MYO1F: variants seen among roughly 807,000 people sequenced by gnomAD.
MYO1F encodes the protein unconventional myosin-If.
Under a neutral mutation model 146.6 loss-of-function variants are expected in MYO1F, and 60 were observed. That is an observed-to-expected ratio of 0.41 (90% CI 0.33 to 0.51). MYO1F has a LOEUF of 0.51. Ranked by LOEUF, MYO1F falls within the 20% of genes least tolerant of loss-of-function variation. The pLI is 0.25. For synonymous variants in MYO1F, 602 were observed against 602.1 expected, an observed-to-expected ratio of 1.00 and a Z score of 0.00; for missense variants, 1,274 against 1,534.3, an observed-to-expected ratio of 0.83 and a Z score of 2.83.
chr19:8,525,326 CT>C, intron 25 of MYO1F, 152 bp downstream of exon 25: 1 of 686,290 alleles, frequency 1.5e-6, no homozygotes, highest in Non-Finnish European at 2.5e-6. Flanking sequence ...TAAGTTTAGC[CT>C]TTATTCTGCG....
At chr19:8,541,002 C>G (rs950809516) in intron 15 of MYO1F, among the ~76,000 whole-genome samples, 1 of 151,576 alleles carries the variant, frequency 6.6e-6, no homozygotes, top group Admixed American at 6.6e-5. Flanking sequence ...CTTTTTTTTC[C>G]CCTCAGAGAT....
intron 14 of MYO1F, among the ~76,000 whole-genome samples, chr19:8,543,537 C>T (rs370525280): frequency 4.0e-5 from 6 of 151,732 alleles, no homozygotes; most frequent in Middle Eastern, 6.8e-3. Flanking sequence ...TGGTGTTAAT[C>T]GGGGGGAATT....
chr19:8,545,569 C>T (rs1973309897), intron 13 of MYO1F, 81 bp downstream of exon 13: 5 of 1,189,132 alleles, frequency 4.2e-6, no homozygotes, highest in Non-Finnish European at 6.3e-6. Flanking sequence ...TGCCATAACA[C>T]CCTTGGCCCT....
intron 1 of MYO1F, among the ~76,000 whole-genome samples, chr19:8,561,412 TCCCTCCCTTCCTTTCTC>T (rs1425507293): frequency 2.1e-5 from 1 of 48,386 alleles, no homozygotes; most frequent in Non-Finnish European, 3.7e-5. Flanking sequence ...CTTTCTCCTC[TCCCTCCCTTCCTTTCTC>T]CTCTCCCTCC....
chr19:8,532,578 G>A (rs1972526186), intron 19 of MYO1F, among the ~76,000 whole-genome samples: 1 of 152,126 alleles, frequency 6.6e-6, no homozygotes, highest in South Asian at 2.1e-4. Flanking sequence ...TTGTCAATTA[G>A]TGAAGATGGG....
At chr19:8,531,826 A>G (rs1972498709) in intron 19 of MYO1F, among the ~76,000 whole-genome samples, 2 of 152,182 alleles carry the variant, frequency 1.3e-5, no homozygotes, top group Middle Eastern at 6.8e-3. Context: ...TACAGTAAAT[A>G]TGAAAATGTG....
chr19:8,539,416 A>T (rs1972862761), intron 16 of MYO1F, among the ~76,000 whole-genome samples: 1 of 150,718 alleles, frequency 6.6e-6, no homozygotes, highest in Admixed American at 6.6e-5. Flanking sequence ...CTCCATCTCA[A>T]AAAAAAAACC....
intron 19 of MYO1F, among the ~76,000 whole-genome samples, chr19:8,533,440 C>T (rs1393147998): frequency 2.0e-5 from 3 of 151,570 alleles, no homozygotes; most frequent in South Asian, 2.1e-4. Flanking sequence ...CTGCAAGCTC[C>T]GTCTCCTGGG....
At chr19:8,567,627 G>C (rs186902889) in intron 1 of MYO1F, among the ~76,000 whole-genome samples, 1 of 152,294 alleles carries the variant, frequency 6.6e-6, no homozygotes, top group East Asian at 1.9e-4. Flanking sequence ...AAAGTGCTGG[G>C]ATTATAGGCG....
intron 14 of MYO1F, 154 bp downstream of exon 14, chr19:8,544,143 G>A (rs1463801297): frequency 7.1e-6 from 6 of 841,882 alleles, no homozygotes; most frequent in African/African-American, 1.7e-5. Flanking sequence ...GTTAGTAGGG[G>A]GTGGATTGAG....
chr19:8,568,800 A>G (rs1333343396), intron 1 of MYO1F, among the ~76,000 whole-genome samples: 1 of 152,034 alleles, frequency 6.6e-6, no homozygotes, highest in Non-Finnish European at 1.5e-5. Flanking sequence ...GGGTGTCTGT[A>G]GTCTTAGCTA....
At position 8,552,136 on chromosome 19, in the gene MYO1F, C is replaced by T. The variant is rs369108938; in HGVS notation, c.533G>A (p.Arg178Gln). ...FGKYFEIQFS[R>Q]GGEPDGGKIS... is the part of the protein sequence containing the mutation. ...CTTGCCCCCATCTGGCTCCCCACCT[C>T]GGCTGAACTGGATCTCAAAGTACTT... Residue 178 changes from arginine to glutamine, a missense_variant, in exon 7 of 28, where the codon CGA becomes CAA. Physicochemically the swap from Arg to Gln is conservative, Grantham distance 43. Coordinates refer to ENST00000644032, the MANE Select transcript of MYO1F (RefSeq NM_012335.4). 5.4e-4 allele frequency: 870 copies of T among 1,614,138 alleles called. 17 individuals are homozygous for T. The South Asian group carries it at 8.7e-3, about 16-fold the overall frequency.
intron 1 of MYO1F, among the ~76,000 whole-genome samples, chr19:8,557,563 A>G (rs1449556997): frequency 1.3e-5 from 2 of 152,114 alleles, no homozygotes; most frequent in African/African-American, 4.8e-5. Context: ...CAGTCCCCCA[A>G]AGTGGTGGGA....
intron 1 of MYO1F, among the ~76,000 whole-genome samples, chr19:8,574,619 TTC>T (rs1338357057): frequency 2.1e-5 from 1 of 48,518 alleles, no homozygotes; most frequent in African/African-American, 7.8e-5. Flanking sequence ...CTTTCTTTCT[TTC>T]TTTCTTTCTT....
intron 26 of MYO1F, 38 bp downstream of exon 26, chr19:8,522,596 C>T: frequency 1.9e-6 from 3 of 1,607,818 alleles, no homozygotes; most frequent in Non-Finnish European, 2.5e-6. Context: ...CCCCTACCCC[C>T]TGCCCACCTC....
In MYO1F at chr19:8,541,946, G is replaced by C. The variant is rs762822978; in HGVS notation, c.1570C>G (p.Leu524Val). 3 of 1,613,590 alleles carry C rather than the reference G, an allele frequency of 1.9e-6. No individual in the cohort carries two copies. Among genetic ancestry groups the C allele is most frequent in the Non-Finnish European group, 1.7e-6 (2 of 1,179,980 alleles). Residue 524 changes from leucine (L) to valine (V), a missense_variant, in exon 15 of 28, where the codon CTC becomes GTC. Physicochemically the swap from Leu to Val is conservative, Grantham distance 32 (BLOSUM62 1). Coordinates refer to ENST00000644032, the MANE Select transcript of MYO1F (RefSeq NM_012335.4). ...ATCAGCTCTATGAGGTCGGAGAAGA[G>C]AACGTCTCGGTTCCTCTCGCAGAAG... is the stretch of plus-strand genomic sequence containing the variant. ...SGFCERNRDV[L>V]FSDLIELMQT...
intron 14 of MYO1F, among the ~76,000 whole-genome samples, chr19:8,543,125 A>C (rs1209836309): frequency 6.7e-6 from 1 of 149,168 alleles, no homozygotes; most frequent in Non-Finnish European, 1.5e-5. Flanking sequence ...GCTGGTCTTG[A>C]ACTCCTGACC....
At chr19:8,560,563 A>AC (rs1974048197) in intron 1 of MYO1F, among the ~76,000 whole-genome samples, 1 of 149,906 alleles carries the variant, frequency 6.7e-6, no homozygotes, top group African/African-American at 2.5e-5. Context: ...GCTGAGAAGG[A>AC]TTTTTTTGTT....
At chr19:8,543,239 C>T (rs1438434007) in intron 14 of MYO1F, among the ~76,000 whole-genome samples, 1 of 152,228 alleles carries the variant, frequency 6.6e-6, no homozygotes, top group African/African-American at 2.4e-5. Context: ...CTAGGAACTT[C>T]TGCTCTCATG....
Sources: allele counts gnomAD v4.1 joint callset (sites outside exome capture counted in the v4.1 genomes callset), GRCh38; gene constraint gnomAD v4.1.1; transcripts MANE v1.5; gene names NCBI Gene and HGNC (gene_info 2026-07-23, HGNC 2026-07-21).